SEMA5A: variants seen among roughly 807,000 people sequenced by gnomAD.
SEMA5A encodes the protein semaphorin 5A.
A neutral mutation model predicts 135.5 loss-of-function variants in SEMA5A; 55 were observed. The ratio of observed to expected loss-of-function variants is 0.41; its 90% CI spans 0.33 to 0.51. The LOEUF is 0.51. Among genes scored for constraint, SEMA5A ranks in the 20% least tolerant of loss-of-function variants. SEMA5A has a pLI of 0.37. For synonymous variants in SEMA5A, 580 were observed against 546.5 expected (o/e 1.06, Z -0.85); for missense variants, 1,290 against 1,419.9 (o/e 0.91, Z 1.47).
At chr5:9,239,085 A>G (rs137994898) in intron 5 of SEMA5A, among the ~76,000 whole-genome samples, 34 of 152,336 alleles carry the variant, frequency 2.2e-4, no homozygotes, top group African/African-American at 7.9e-4. Context: ...AAAGAATGTT[A>G]CATAACAGAG....
At chr5:9,353,337 TGAAAGGAAAGGAAAGGGAAGGAAAG>T (rs1754285108) in intron 3 of SEMA5A, among the ~76,000 whole-genome samples, 1 of 55,370 alleles carries the variant, frequency 1.8e-5, no homozygotes, top group African/African-American at 7.0e-5. Flanking sequence ...GGAAAGGAAA[TGAAAGGAAAGGAAAGGGAAGGAAAG>T]GAAAGGAAAG....
chr5:9,230,158 C>CTTTTTTTTTTTTT (rs5865817), intron 6 of SEMA5A, among the ~76,000 whole-genome samples: 5 of 98,288 alleles, frequency 5.1e-5, no homozygotes, highest in African/African-American at 1.1e-4. Flanking sequence ...CTATTTTTTT[C>CTTTTTTTTTTTTT]TTTTTTTTTT....
intron 8 of SEMA5A, among the ~76,000 whole-genome samples, chr5:9,215,347 C>A (rs1015128114): frequency 3.9e-5 from 6 of 151,958 alleles, no homozygotes; most frequent in African/African-American, 1.5e-4. Context: ...TTAACTGTAC[C>A]CATCCCCCAA....
At chr5:9,127,243 G>T (rs1464609920) in intron 13 of SEMA5A, among the ~76,000 whole-genome samples, 1 of 152,132 alleles carries the variant, frequency 6.6e-6, no homozygotes, top group Non-Finnish European at 1.5e-5. Flanking sequence ...AGGTGTGAGG[G>T]GTCATTCAGG....
At chr5:9,370,589 T>G (rs539586137) in intron 3 of SEMA5A, among the ~76,000 whole-genome samples, 128 of 152,180 alleles carry the variant, frequency 8.4e-4, no homozygotes, top group Non-Finnish European at 1.7e-3. Context: ...CAGCCTCTCT[T>G]TAGTCAATAA....
chr5:9,144,398 A>C (rs1353687841), intron 12 of SEMA5A, among the ~76,000 whole-genome samples: 2 of 152,206 alleles, frequency 1.3e-5, no homozygotes, highest in Non-Finnish European at 2.9e-5. Context: ...AGGGGAAAAT[A>C]TGTATTATTC....
intron 19 of SEMA5A, 108 bp from the exon 20 acceptor site, chr5:9,052,136 G>A: frequency 8.1e-7 from 1 of 1,238,054 alleles, no homozygotes; most frequent in Non-Finnish European, 1.1e-6. Context: ...GGATTCCATA[G>A]CATATTTTTA....
At chr5:9,538,394 C>T (rs936279782) in intron 1 of SEMA5A, among the ~76,000 whole-genome samples, 3 of 152,124 alleles carry the variant, frequency 2.0e-5, no homozygotes, top group South Asian at 4.1e-4. Context: ...CCAGCTGAAG[C>T]GAAGGCCTTG....
intron 12 of SEMA5A, among the ~76,000 whole-genome samples, chr5:9,143,101 A>G (rs1235513261): frequency 6.6e-6 from 1 of 152,240 alleles, no homozygotes; most frequent in African/African-American, 2.4e-5. Flanking sequence ...TCTTCTGCAA[A>G]ACTAGAACAA....
chr5:9,150,171 C>T (rs1282069372), intron 12 of SEMA5A, among the ~76,000 whole-genome samples: 5 of 152,146 alleles, frequency 3.3e-5, no homozygotes, highest in African/African-American at 7.2e-5. Flanking sequence ...TGATGCTACT[C>T]GACCATGAGC....
intron 10 of SEMA5A, among the ~76,000 whole-genome samples, chr5:9,191,081 T>C (rs985301416): frequency 2.6e-5 from 4 of 151,226 alleles, no homozygotes; most frequent in South Asian, 2.1e-4. Context: ...TCCAGGAATA[T>C]GGAAAAGAAC....
intron 5 of SEMA5A, among the ~76,000 whole-genome samples, chr5:9,248,780 G>A (rs937107640): frequency 6.6e-5 from 10 of 152,054 alleles, no homozygotes; most frequent in Non-Finnish European, 1.3e-4. Context: ...GCAGCCACCC[G>A]AAGCCAAAAG....
chr5:9,305,937 G>A (rs1202281150), intron 5 of SEMA5A, among the ~76,000 whole-genome samples: 4 of 152,118 alleles, frequency 2.6e-5, no homozygotes, highest in Non-Finnish European at 5.9e-5. Context: ...CACAAAGTGA[G>A]CGAGCAGGAA....
chr5:9,268,606 C>T (rs1749801631), intron 5 of SEMA5A, among the ~76,000 whole-genome samples: 1 of 152,078 alleles, frequency 6.6e-6, no homozygotes, highest in Non-Finnish European at 1.5e-5. Flanking sequence ...CTACTGCCCC[C>T]AGGCCATAAG....
At chr5:9,302,482 T>C (rs545606750) in intron 5 of SEMA5A, among the ~76,000 whole-genome samples, 92 of 152,344 alleles carry the variant, frequency 6.0e-4, no homozygotes, top group African/African-American at 2.2e-3. Flanking sequence ...GCTTTACATT[T>C]ATGGTGGGGC....
intron 5 of SEMA5A, among the ~76,000 whole-genome samples, chr5:9,254,112 G>A (rs2150496071): frequency 1.3e-5 from 2 of 152,272 alleles, no homozygotes; most frequent in Middle Eastern, 6.8e-3. Context: ...TAACTCTCCA[G>A]TAATATTCCT....
intron 1 of SEMA5A, among the ~76,000 whole-genome samples, chr5:9,462,224 A>T (rs1759084424): frequency 6.6e-6 from 1 of 152,222 alleles, no homozygotes; most frequent in Middle Eastern, 3.2e-3. Flanking sequence ...CATGAGAAAG[A>T]TCTCAACATC....
At chr5:9,197,329 G>A in intron 9 of SEMA5A, 26 bp from the exon 10 acceptor site, 7 of 1,506,500 alleles carry the variant, frequency 4.6e-6, no homozygotes, top group Non-Finnish European at 6.4e-6. Context: ...GAGAGAGAAG[G>A]CAGTCAGAGA....
In SEMA5A at chr5:9,227,435, C is replaced by T. The variant is rs77920022; in HGVS notation, c.334-468G>A. On this transcript the variant is annotated intron_variant, in intron 6 of 22. Coordinates refer to ENST00000382496, the MANE Select transcript of SEMA5A (RefSeq NM_003966.3). Reference sequence around the variant, plus strand: ...AACTTCCTCAGACTTTGAGAAAATGCTGCAAGCGCTTTTTGATCAGAAGGT... The same window carrying T: ...AACTTCCTCAGACTTTGAGAAAATGTTGCAAGCGCTTTTTGATCAGAAGGT... Among the ~76,000 whole-genome samples, 1,505 of 152,288 alleles carry T rather than the reference C, an allele frequency of 9.9e-3. 26 individuals carry two copies. The highest frequency in any genetic ancestry group is 0.035 in the African/African-American group (1,446 of 41,568).
Sources: gnomAD v4.1 joint callset for allele counts (sites outside exome capture counted in the v4.1 genomes callset) on GRCh38, gnomAD v4.1.1 for gene constraint, MANE v1.5 for transcripts, NCBI Gene and HGNC (gene_info 2026-07-23, HGNC 2026-07-21) for gene names.